MAP1B: variants seen among roughly 807,000 people sequenced by gnomAD.
MAP1B encodes microtubule associated protein 1B.
In MAP1B, 12 loss-of-function variants were observed where a neutral mutation model predicts 176.1. That is an observed-to-expected ratio of 0.07 (90% CI 0.04 to 0.11). The LOEUF is 0.11. MAP1B is among the 10% of genes least tolerant of loss of function. The pLI is 1.00. For missense variants in MAP1B, 2,523 were observed against 2,990.5 expected, an observed-to-expected ratio of 0.84 and a Z score of 3.65; for synonymous variants, 1,044 against 1,135.0, an observed-to-expected ratio of 0.92 and a Z score of 1.61.
At chr5:72,136,099 C>G (rs1038740241) in intron 2 of MAP1B, among the ~76,000 whole-genome samples, 2 of 152,146 alleles carry the variant, frequency 1.3e-5, no homozygotes, top group African/African-American at 2.4e-5. Context: ...AAGGCACTGC[C>G]TTGTGCTGAG....
chr5:72,124,761 T>C lies in MAP1B; in HGVS notation c.286+8962T>C, dbSNP rs1289651558. On this transcript the variant is annotated intron_variant, in intron 2 of 6. Coordinates refer to ENST00000296755, the MANE Select transcript of MAP1B (RefSeq NM_005909.5). ...TGAGTAAACACGCCACTGTTGAGCATTGTGGCTCAAATTCAGATTTCTTGT... is the reference window on the plus strand; with the variant it reads ...TGAGTAAACACGCCACTGTTGAGCACTGTGGCTCAAATTCAGATTTCTTGT... Among the ~76,000 whole-genome samples, 2 of 152,216 alleles carry C rather than the reference T, an allele frequency of 1.3e-5. 1 individual carries two copies. The highest frequency in any genetic ancestry group is 4.8e-5 in the African/African-American group (2 of 41,462).
At chr5:72,189,588 G>A (rs967509202) in intron 4 of MAP1B, among the ~76,000 whole-genome samples, 27 of 152,090 alleles carry the variant, frequency 1.8e-4, no homozygotes, top group Non-Finnish European at 7.3e-5. Context: ...CCAGTACTTT[G>A]GGAGGCCAGA....
chr5:72,137,482 G>T (rs187296665), intron 2 of MAP1B, among the ~76,000 whole-genome samples: 11 of 152,302 alleles, frequency 7.2e-5, no homozygotes, highest in Admixed American at 2.0e-4. Context: ...GAATTAAATG[G>T]CAGGAGCTTC....
chr5:72,166,800 T>G (rs78038256), intron 2 of MAP1B, among the ~76,000 whole-genome samples: 2,171 of 152,254 alleles, frequency 0.014, 40 homozygotes, highest in East Asian at 0.043. Context: ...AGTAGTACTT[T>G]GAGCTCGCAA....
At chr5:72,127,638 A>G (rs1023137321) in intron 2 of MAP1B, among the ~76,000 whole-genome samples, 17 of 152,204 alleles carry the variant, frequency 1.1e-4, no homozygotes, top group African/African-American at 4.1e-4. Flanking sequence ...CCTAGGTGTG[A>G]TATTATGTGT....
intron 6 of MAP1B, 133 bp downstream of exon 6, chr5:72,203,934 A>G: frequency 1.4e-6 from 1 of 699,698 alleles, no homozygotes; most frequent in Non-Finnish European, 2.4e-6. Context: ...TGTCTGTCAC[A>G]CACGAAATAT....
chr5:72,199,482 G>A lies in MAP1B; in HGVS notation c.6127G>A (p.Glu2043Lys), dbSNP rs1317041196. The change falls in exon 5 of 7, where the codon GAG becomes AAG. Residue 2043 changes from glutamate to lysine, a missense_variant. Transcript: ENST00000296755. The surrounding 1 kb of genome is among the most constrained non-coding windows in gnomAD (Gnocchi z 4.2). ...RTPDTSTYCY[E>K]TAEKITRTPQ... ...CCCTGATACTTCCACATACTGTTAC[G>A]AGACTGCAGAGAAAATCACTAGAAC... The A allele has an allele frequency of 8.1e-6, 13 of 1,613,970 alleles. No homozygotes were observed. Among genetic ancestry groups the A allele is most frequent in the East Asian group, 2.2e-5 (1 of 44,888 alleles).
rs1745121505 is a variant in MAP1B, at chr5:72,107,731, C to CG, written c.184+16_184+17insG. On this transcript the variant is annotated intron_variant, in intron 1 of 6. Coordinates refer to ENST00000296755, the MANE Select transcript of MAP1B (RefSeq NM_005909.5). ...ATCGAGCTCGGTAAGTGGCCCCGCG[C>CG]CCCCAGAGACGCGCGCTGGGAGACG... 1 of 1,594,852 alleles carries CG rather than the reference C, an allele frequency of 6.3e-7. No individual in the cohort carries two copies. The highest frequency in any genetic ancestry group is 8.5e-7 in the Non-Finnish European group (1 of 1,179,004).
chr5:72,107,589 C>T lies in MAP1B; in HGVS notation c.58C>T (p.Pro20Ser). 4 of 1,593,450 alleles carry T rather than the reference C, an allele frequency of 2.5e-6. No individual in the cohort carries two copies. The highest frequency in any genetic ancestry group is 3.4e-6 in the Non-Finnish European group (4 of 1,176,182). ...EPEPSGSIAN[P>S]AASTSPSLSH... The stretch of plus-strand genomic sequence containing the variant: ...GGAGCCGTCCGGCAGCATCGCCAAC[C>T]CGGCGGCGTCCACCTCGCCTAGCCT... The change falls in exon 1 of 7, where the codon CCG (proline) becomes TCG (serine). Residue 20 changes from proline to serine, a missense_variant. By Grantham distance (74) the Pro-to-Ser change is moderately conservative. Around this residue, in one of 4 missense-constraint regions of MAP1B, gnomAD observed 307 missense variants for 438.4 expected, o/e 0.70. Transcript: ENST00000296755.
chr5:72,138,791 C>G (rs1300014591), intron 2 of MAP1B, among the ~76,000 whole-genome samples: 1 of 152,090 alleles, frequency 6.6e-6, no homozygotes, highest in African/African-American at 2.4e-5. Context: ...AATTTGATAC[C>G]AAAATAATTT....
In MAP1B at chr5:72,197,945, A is replaced by C. The variant is rs1747224680; in HGVS notation, c.4590A>C (p.Ser1530=). 7 of 1,614,114 alleles carry C rather than the reference A, an allele frequency of 4.3e-6. No homozygotes were observed. The South Asian group carries it at 7.7e-5, about 18-fold the overall frequency. The change falls in exon 5 of 7, where the codon TCA becomes TCC. Residue 1530 remains serine, a synonymous_variant. Transcript: ENST00000296755. ...CTGAAGGTACTGTCTCAGACAAGTCAGCTACTCCTGTTGATGAGGGCGTAG... is the reference window on the plus strand; with the variant it reads ...CTGAAGGTACTGTCTCAGACAAGTCCGCTACTCCTGTTGATGAGGGCGTAG... ...SISEGTVSDK[S]ATPVDEGVAE... is the part of the protein sequence containing the mutation.
chr5:72,179,739 T>C, intron 2 of MAP1B: 1 of 985,412 alleles, frequency 1.0e-6, no homozygotes, highest in Non-Finnish European at 1.2e-6. Context: ...AATCCCCTCC[T>C]TCATTCAAAT....
In MAP1B at chr5:72,206,761, T is replaced by C. The variant is rs977407706; in HGVS notation, c.*1522T>C. On this transcript the variant is annotated 3_prime_UTR_variant, in exon 7 of 7. Coordinates refer to ENST00000296755, the MANE Select transcript of MAP1B (RefSeq NM_005909.5). ...AATGTTTTTTGAAGTTCTGGCAAGA[T>C]TGAAGTCTGATATTGCAGTAATGAT... 6.6e-6 allele frequency: 1 copy of C among 152,168 alleles called. No individual in the cohort carries two copies. Among genetic ancestry groups the C allele is most frequent in the Non-Finnish European group, 1.5e-5 (1 of 68,034 alleles). 9.4% of individuals were successfully genotyped at this position (152,168 alleles called of 1,614,324 possible).
In MAP1B at chr5:72,203,898, C is replaced by T. The variant is rs760548580; in HGVS notation, c.7251+97C>T. 6 of 1,108,624 alleles carry T rather than the reference C, an allele frequency of 5.4e-6. No homozygotes were observed. The South Asian group carries it at 7.0e-5, about 13-fold the overall frequency. The allele number at this position is 1,108,624 out of a possible 1,614,324, so 68.7% of individuals were successfully genotyped here. A position where few individuals can be genotyped will look rare whatever the true frequency, so the allele number is the denominator to read the frequency against. On this transcript the variant is annotated intron_variant, in intron 6 of 6. Transcript: ENST00000296755. ...TAAAGAGGCACCTCATGTGGCTGATCGTGGATCCACATGAGGTGCCTCCTG... is the reference window on the plus strand; with the variant it reads ...TAAAGAGGCACCTCATGTGGCTGATTGTGGATCCACATGAGGTGCCTCCTG...
At chr5:72,203,892 G>A in intron 6 of MAP1B, 91 bp downstream of exon 6, 2 of 1,181,242 alleles carry the variant, frequency 1.7e-6, no homozygotes, top group East Asian at 2.4e-5. Context: ...ACCTCATGTG[G>A]CTGATCGTGG....
At chr5:72,115,391 C>T (rs1471924505) in intron 1 of MAP1B, among the ~76,000 whole-genome samples, 1 of 152,172 alleles carries the variant, frequency 6.6e-6, no homozygotes, top group Non-Finnish European at 1.5e-5. Context: ...TCTAGTCCCT[C>T]CCTGGAGTAC....
chr5:72,148,769 A>C (rs9293787), intron 2 of MAP1B, among the ~76,000 whole-genome samples: 3 of 152,282 alleles, frequency 2.0e-5, no homozygotes, highest in Admixed American at 2.0e-4. Flanking sequence ...AATAGCCCAG[A>C]CCATGTGTTT....
intron 1 of MAP1B, among the ~76,000 whole-genome samples, chr5:72,115,219 A>G: frequency 6.6e-6 from 1 of 152,330 alleles, no homozygotes; most frequent in Admixed American, 6.5e-5. Context: ...CCAGAACATC[A>G]TTTTAGAAAC....
chr5:72,160,493 C>T (rs1746307910), intron 2 of MAP1B, among the ~76,000 whole-genome samples: 1 of 151,948 alleles, frequency 6.6e-6, no homozygotes, highest in Admixed American at 6.6e-5. Flanking sequence ...TTTTGCAGTC[C>T]CTTTAGGTGG....
Sources: gnomAD v4.1 joint callset for allele counts (sites outside exome capture counted in the v4.1 genomes callset) on GRCh38, gnomAD v4.1.1 for gene constraint, gnomAD v4.1.1 regional missense constraint, Gnocchi (gnomAD v3.1) non-coding constraint, MANE v1.5 for transcripts, NCBI Gene and HGNC (gene_info 2026-07-23, HGNC 2026-07-21) for gene names.